MFSD12: variants seen among roughly 807,000 people sequenced by gnomAD.
MFSD12 encodes the protein major facilitator superfamily domain containing 12, also known as major facilitator superfamily domain-containing protein 12.
A neutral mutation model predicts 51.2 loss-of-function variants in MFSD12; 67 were observed. That is an observed-to-expected ratio of 1.31 (90% CI 1.08 to 1.60). MFSD12 has a LOEUF of 1.60. Among genes scored for constraint, MFSD12 ranks in the 40% most tolerant of loss-of-function variants. The pLI is 0.00. For missense variants in MFSD12, 921 were observed against 673.0 expected (o/e 1.37, Z -4.08); for synonymous variants, 441 against 316.7 (o/e 1.39, Z -4.17).
chr19:3,552,169 TA>T (rs1568261584), intron 1 of MFSD12, among the ~76,000 whole-genome samples: 2 of 151,178 alleles, frequency 1.3e-5, no homozygotes, highest in Middle Eastern at 3.4e-3. Flanking sequence ...TTTCAATATC[TA>T]TTTTTTTTTT....
chr19:3,549,352 G>C (rs1467523492), intron 2 of MFSD12, among the ~76,000 whole-genome samples: 1 of 152,198 alleles, frequency 6.6e-6, no homozygotes, highest in East Asian at 1.9e-4. Flanking sequence ...CCAGGGCTAA[G>C]TGGCATTCTA....
At chr19:3,550,452 C>A (rs1020280276) in intron 2 of MFSD12, among the ~76,000 whole-genome samples, 1 of 150,986 alleles carries the variant, frequency 6.6e-6, no homozygotes, top group Non-Finnish European at 1.5e-5. Context: ...AGTGCAGTGG[C>A]GCTATCTTGG....
At position 3,544,708 on chromosome 19, in the gene MFSD12, AGTCAGGGCCG is replaced by A; in HGVS notation, c.1435_*1del. 1 of 1,590,648 alleles carries A rather than the reference AGTCAGGGCCG, an allele frequency of 6.3e-7. No homozygotes were observed. The highest frequency in any genetic ancestry group is 8.6e-7 in the Non-Finnish European group (1 of 1,167,200). On this transcript the variant is annotated stop_lost and 3_prime_UTR_variant, in exon 10 of 10. Coordinates refer to ENST00000355415, the MANE Select transcript of MFSD12 (RefSeq NM_174983.5). ...TGCACAGGTGCAGGAGGCTGTCAGG[AGTCAGGGCCG>A]GGCATCACGGTCCCCTGCAAGGGAG...
intron 1 of MFSD12, among the ~76,000 whole-genome samples, chr19:3,553,224 C>A (rs2031565021): frequency 6.6e-6 from 1 of 152,116 alleles, no homozygotes; most frequent in Non-Finnish European, 1.5e-5. Flanking sequence ...TCCTGCTGGC[C>A]AGTCTGGGTT....
chr19:3,541,777 G>A (rs2030437979), downstream of MFSD12: 1 of 985,336 alleles, frequency 1.0e-6, no homozygotes, highest in Non-Finnish European at 1.2e-6. Context: ...CAGCAGGGGT[G>A]AGGGGCTCAT....
At position 3,544,802 on chromosome 19, in the gene MFSD12, G is replaced by C. The variant is rs2145177445; in HGVS notation, c.1420+7C>G. The stretch of plus-strand genomic sequence containing the variant: ...GTCTGGGGAGGGAGGGGTGGGCCAG[G>C]ACTCACAGCGTCGCAGGCGGGTCGG... On this transcript the variant is annotated splice_region_variant and intron_variant, in intron 9 of 9. Coordinates refer to ENST00000355415, the MANE Select transcript of MFSD12 (RefSeq NM_174983.5). 2.5e-6 allele frequency: 4 copies of C among 1,611,876 alleles called. No homozygotes were observed. In the East Asian group the frequency reaches 8.9e-5, roughly 36 times the overall value.
downstream of MFSD12, chr19:3,541,709 A>G (rs2030432663): frequency 1.0e-6 from 1 of 985,232 alleles, no homozygotes; most frequent in African/African-American, 1.7e-5. Context: ...TGCATGTACC[A>G]CCTGCTCCTG....
At chr19:3,553,996 C>A (rs1163233643) in intron 1 of MFSD12, among the ~76,000 whole-genome samples, 1 of 151,740 alleles carries the variant, frequency 6.6e-6, no homozygotes, top group Admixed American at 6.6e-5. Context: ...GCAGGAGAAT[C>A]ACTTAAACCC....
At chr19:3,542,245 C>A (rs1451308633), downstream of MFSD12, 1 of 985,314 alleles carries the variant, frequency 1.0e-6, no homozygotes, top group Non-Finnish European at 1.2e-6. Context: ...CTCAAACAGG[C>A]TCTGTAACTG....
intron 8 of MFSD12, 88 bp from the exon 9 acceptor site, chr19:3,545,027 C>G: frequency 6.7e-7 from 1 of 1,485,422 alleles, no homozygotes; most frequent in South Asian, 1.3e-5. Flanking sequence ...TCACCCCCGA[C>G]AGCGGCTCCG....
chr19:3,547,160 C>T (rs1010944486), intron 6 of MFSD12, 112 bp downstream of exon 6: 35 of 937,168 alleles, frequency 3.7e-5, no homozygotes, highest in South Asian at 2.8e-4. Context: ...TTCTACAAGG[C>T]GGGAACTCGG....
chr19:3,549,625 A>T (rs2031348024), intron 2 of MFSD12, among the ~76,000 whole-genome samples: 1 of 150,532 alleles, frequency 6.6e-6, no homozygotes, highest in Non-Finnish European at 1.5e-5. Flanking sequence ...CGGGAGGCTG[A>T]GGCAGGAGAA....
downstream of MFSD12, chr19:3,543,784 C>T (rs772477404): frequency 3.8e-5 from 57 of 1,492,426 alleles, no homozygotes; most frequent in South Asian, 2.2e-4. Flanking sequence ...TGCTGGCCAA[C>T]GGCGAGGAGG....
chr19:3,546,304 A>G lies in MFSD12; in HGVS notation c.1145T>C (p.Ile382Thr). The stretch of plus-strand genomic sequence containing the variant: ...CGTCATGGCCAGCGAGGTGACGAGG[A>G]TGGTGGCACAGCCAGCACCCAGCAG... Reference protein sequence around the residue: ...AVLLGAGCATILVTSLAMTAD... With the variant: ...AVLLGAGCATTLVTSLAMTAD... Residue 382 changes from isoleucine to threonine, a missense_variant, in exon 7 of 10, where the codon ATC (isoleucine) becomes ACC (threonine). Physicochemically the swap from Ile to Thr is moderately conservative, Grantham distance 89 (BLOSUM62 -1). Coordinates refer to ENST00000355415, the MANE Select transcript of MFSD12 (RefSeq NM_174983.5). 1.9e-6 allele frequency: 3 copies of G among 1,610,084 alleles called. No individual in the cohort carries two copies. Among genetic ancestry groups the G allele is most frequent in the Non-Finnish European group, 2.5e-6 (3 of 1,179,022 alleles).
At chr19:3,545,465 G>C (rs1469408002) in intron 8 of MFSD12, among the ~76,000 whole-genome samples, 3 of 152,206 alleles carry the variant, frequency 2.0e-5, no homozygotes, top group African/African-American at 7.2e-5. Flanking sequence ...GCCAGGTGTG[G>C]TCCTGCCCCA....
chr19:3,543,365 G>T (rs752664329), downstream of MFSD12: 62 of 1,549,054 alleles, frequency 4.0e-5, no homozygotes, highest in Non-Finnish European at 5.2e-5. Context: ...CAACTCGGAC[G>T]CCTGGGAAGC....
At chr19:3,548,418 T>C in intron 2 of MFSD12, 151 bp from the exon 3 acceptor site, 1 of 1,038,220 alleles carries the variant, frequency 9.6e-7, no homozygotes. Context: ...AGGAAGCCCG[T>C]GCTGGCCTCA....
downstream of MFSD12, chr19:3,539,553 AG>A: frequency 2.2e-6 from 1 of 449,782 alleles, no homozygotes; most frequent in East Asian, 3.4e-5. Context: ...TCTGAAATCC[AG>A]GCCTGTGCGG....
At chr19:3,542,787 G>C (rs757350463), downstream of MFSD12, 15 of 1,368,490 alleles carry the variant, frequency 1.1e-5, no homozygotes, top group Non-Finnish European at 1.5e-5. Flanking sequence ...TGGCCTAGTG[G>C]GTCCCCCAGT....
Sources: allele counts gnomAD v4.1 joint callset (sites outside exome capture counted in the v4.1 genomes callset), GRCh38; gene constraint gnomAD v4.1.1; transcripts MANE v1.5; gene names NCBI Gene and HGNC (gene_info 2026-07-23, HGNC 2026-07-21).